Variants in LTBP1 observed in about 807,000 individuals in gnomAD.
LTBP1 encodes latent transforming growth factor beta binding protein 1, also known as latent-transforming growth factor beta-binding protein 1.
LTBP1 carries 129 observed loss-of-function variants against 207.6 expected under a neutral mutation model. The ratio of observed to expected loss-of-function variants is 0.62; its 90% CI spans 0.54 to 0.72. LTBP1 has a LOEUF of 0.72. Among genes scored for constraint, LTBP1 ranks in the 30% least tolerant of loss-of-function variants. The pLI is 0.00. For synonymous variants in LTBP1, 963 were observed against 833.7 expected, an observed-to-expected ratio of 1.16 and a Z score of -2.67; for missense variants, 2,281 against 2,217.2, an observed-to-expected ratio of 1.03 and a Z score of -0.58.
chr2:33,108,031 G>A (rs1004988449), intron 3 of LTBP1, among the ~76,000 whole-genome samples: 1 of 152,228 alleles, frequency 6.6e-6, no homozygotes, highest in African/African-American at 2.4e-5. Flanking sequence ...TTGTAAGACT[G>A]CAACGTGGTC....
At chr2:33,251,521 C>T (rs547646596) in intron 10 of LTBP1, among the ~76,000 whole-genome samples, 14 of 151,896 alleles carry the variant, frequency 9.2e-5, no homozygotes, top group Non-Finnish European at 7.4e-5. Flanking sequence ...CAAAATTAGC[C>T]GGGTGTGGTA....
At chr2:33,037,198 A>AT (rs200818210) in intron 3 of LTBP1, among the ~76,000 whole-genome samples, 2,837 of 152,286 alleles carry the variant, frequency 0.019, 92 homozygotes, top group African/African-American at 0.065. Context: ...AAAAACTACC[A>AT]TATCATATAT....
At chr2:33,301,778 T>TC in intron 22 of LTBP1, 134 bp downstream of exon 22, 2 of 711,226 alleles carry the variant, frequency 2.8e-6, no homozygotes, top group Non-Finnish European at 4.3e-6. Flanking sequence ...CAAAGTGTCT[T>TC]CCCCGGGGTC....
chr2:33,151,315 A>T (rs1288710013), intron 5 of LTBP1, among the ~76,000 whole-genome samples: 2 of 152,148 alleles, frequency 1.3e-5, no homozygotes, highest in Admixed American at 1.3e-4. Flanking sequence ...TAACATTTTG[A>T]GGAGCTGCCA....
At chr2:33,378,183 A>ATGTGTGTGTGTGTGTGTGTGTG (rs1196073958) in intron 31 of LTBP1, among the ~76,000 whole-genome samples, 8 of 136,362 alleles carry the variant, frequency 5.9e-5, no homozygotes, top group Non-Finnish European at 1.2e-4. Context: ...ATATATATAT[A>ATGTGTGTGTGTGTGTGTGTGTG]TATGTGTGTG....
chr2:33,363,367 T>G, intron 28 of LTBP1, 23 bp from the exon 29 acceptor site: 1 of 1,612,584 alleles, frequency 6.2e-7, no homozygotes, highest in Non-Finnish European at 8.5e-7. Context: ...CCTTTTTGTA[T>G]TTCTCAATTT....
chr2:33,061,081 G>A (rs1327944533), intron 3 of LTBP1, among the ~76,000 whole-genome samples: 1 of 152,050 alleles, frequency 6.6e-6, no homozygotes, highest in Non-Finnish European at 1.5e-5. Context: ...TATGGATAAG[G>A]CAATTGAAGT....
intron 15 of LTBP1, 32 bp from the exon 16 acceptor site, chr2:33,273,624 G>A (rs1409633923): frequency 1.3e-6 from 2 of 1,562,678 alleles, no homozygotes; most frequent in Non-Finnish European, 1.7e-6. Context: ...ATTTCTGTGG[G>A]TTTTTTCACA....
At chr2:33,221,220 A>T (rs1354552521) in intron 8 of LTBP1, among the ~76,000 whole-genome samples, 1 of 152,146 alleles carries the variant, frequency 6.6e-6, no homozygotes, top group South Asian at 2.1e-4. Flanking sequence ...TTTTTCATGA[A>T]TTATCTCTAA....
At chr2:33,158,372 A>T (rs1389968587) in intron 5 of LTBP1, among the ~76,000 whole-genome samples, 1 of 152,160 alleles carries the variant, frequency 6.6e-6, no homozygotes, top group Non-Finnish European at 1.5e-5. Flanking sequence ...TGGGGCACTG[A>T]CAGGCCCTCC....
intron 4 of LTBP1, among the ~76,000 whole-genome samples, chr2:33,130,575 A>G (rs2081720180): frequency 6.6e-6 from 1 of 152,210 alleles, no homozygotes; most frequent in Non-Finnish European, 1.5e-5. Context: ...ACCCCGAAGC[A>G]GAAATGAAAG....
chr2:33,106,427 T>G (rs1026571665), intron 3 of LTBP1, among the ~76,000 whole-genome samples: 1 of 152,242 alleles, frequency 6.6e-6, no homozygotes, highest in African/African-American at 2.4e-5. Flanking sequence ...AGCTGGAGCC[T>G]TAAGCAATGC....
At chr2:33,164,464 T>C (rs1410851692) in intron 5 of LTBP1, among the ~76,000 whole-genome samples, 1 of 150,496 alleles carries the variant, frequency 6.6e-6, no homozygotes, top group African/African-American at 2.5e-5. Flanking sequence ...TGATATTGGG[T>C]ATATATTATT....
chr2:33,265,955 T>C (rs1245706924), intron 15 of LTBP1, among the ~76,000 whole-genome samples: 1 of 152,236 alleles, frequency 6.6e-6, no homozygotes, highest in Non-Finnish European at 1.5e-5. Flanking sequence ...ATAGAAATGT[T>C]CTCATATGTT....
At chr2:33,271,149 C>A (rs1188532178) in intron 15 of LTBP1, among the ~76,000 whole-genome samples, 3 of 152,134 alleles carry the variant, frequency 2.0e-5, no homozygotes, top group Non-Finnish European at 4.4e-5. Flanking sequence ...TAAGGCTGTC[C>A]CTGCCAAATG....
intron 5 of LTBP1, among the ~76,000 whole-genome samples, chr2:33,172,284 A>T (rs149363877): frequency 0.49 from 74,480 of 151,826 alleles, 18,505 homozygotes; most frequent in Non-Finnish European, 0.52. Flanking sequence ...ACACACATAG[A>T]CTCAAAATAA....
chr2:33,220,336 C>CT lies in LTBP1; in HGVS notation c.1805-1736dup, dbSNP rs34670987. Among the ~76,000 whole-genome samples the CT allele has an allele frequency of 7.1e-3, 1,084 of 151,978 alleles. 21 individuals are homozygous for CT. Among genetic ancestry groups the CT allele is most frequent in the African/African-American group, 0.025 (1,033 of 41,432 alleles). ...CGCTATGGTTTTGTGTTCCACACCTCTTTTTTTTCACTCAAACTAGTTCAA... is the reference window on the plus strand; with the variant it reads ...CGCTATGGTTTTGTGTTCCACACCTCTTTTTTTTTCACTCAAACTAGTTCAA... On this transcript the variant is annotated intron_variant, in intron 8 of 33. Transcript: ENST00000404816.
In LTBP1 at chr2:33,353,435, C is replaced by T. The variant is rs115491618; in HGVS notation, c.4000+5925C>T. ...TTGCTTTTGTGGCTAACAGTCTCTG[C>T]GTCTTATTCTCTCTGCATCCACTGC... On this transcript the variant is annotated intron_variant, in intron 26 of 33. Transcript: ENST00000404816. Among the ~76,000 whole-genome samples the T allele has an allele frequency of 3.2e-3, 480 of 152,246 alleles. 4 individuals carry two copies. Among genetic ancestry groups the T allele is most frequent in the African/African-American group, 0.011 (451 of 41,538 alleles).
At chr2:33,083,358 A>C (rs1348303977) in intron 3 of LTBP1, among the ~76,000 whole-genome samples, 1 of 152,134 alleles carries the variant, frequency 6.6e-6, no homozygotes, top group Non-Finnish European at 1.5e-5. Context: ...TTTCTCAAAA[A>C]ATGTGTCCTC....
Sources: gnomAD v4.1 joint callset for allele counts (sites outside exome capture counted in the v4.1 genomes callset) on GRCh38, gnomAD v4.1.1 for gene constraint, MANE v1.5 for transcripts, NCBI Gene and HGNC (gene_info 2026-07-23, HGNC 2026-07-21) for gene names.